Variants in ITGB4 observed in about 807,000 individuals in gnomAD.
The protein encoded by ITGB4 is integrin beta-4.
In ITGB4, 159 loss-of-function variants were observed where a neutral mutation model predicts 207.6. That is an observed-to-expected ratio of 0.77 (90% CI 0.67 to 0.87). ITGB4 has a LOEUF of 0.87. Among genes scored for constraint, ITGB4 ranks in the 40% least tolerant of loss-of-function variants. The pLI, the probability that ITGB4 is intolerant of heterozygous loss-of-function variation, is 0.00. For missense variants in ITGB4, 2,278 were observed against 2,546.8 expected (o/e 0.89, Z 2.27); for synonymous variants, 1,020 against 1,062.7 (o/e 0.96, Z 0.78).
At position 75,740,896 on chromosome 17, in the gene ITGB4, C is replaced by A. The variant is rs369454783; in HGVS notation, c.2609+45C>A. 6.2e-7 allele frequency: 1 copy of A among 1,612,468 alleles called. No individual in the cohort carries two copies. ...GGTTGGGTGGGGGAGCCGCTCCTAC[C>A]GGGACTCCAGGAGCCGAAGCCCCCA... On this transcript the variant is annotated intron_variant, in intron 22 of 39. Coordinates refer to ENST00000200181, the MANE Select transcript of ITGB4 (RefSeq NM_000213.5). This position sits in a 1 kb window ranked among gnomAD's most constrained non-coding sequence, Gnocchi z 5.9.
In ITGB4 at chr17:75,750,399, A is replaced by G. The variant is rs1345090605; in HGVS notation, c.3474+131A>G. ...ACAGTGGAACCTAGCACAGGTGGTC[A>G]GAGGGAAACCCGGTCTGTGCTGGGA... On this transcript the variant is annotated intron_variant, in intron 28 of 39. Transcript: ENST00000200181. The surrounding 1 kb of genome is among the most constrained non-coding windows in gnomAD (Gnocchi z 5.5). 1.0e-6 allele frequency: 1 copy of G among 972,932 alleles called. No homozygotes were observed. 60.3% of individuals were successfully genotyped at this position (972,932 alleles called of 1,614,324 possible).
rs556731806 is a variant in ITGB4, at chr17:75,745,768, A to G, written c.3111+1907A>G. 3.3e-5 allele frequency among the ~76,000 whole-genome samples: 5 copies of G among 152,142 alleles called. No homozygotes were observed. The East Asian group carries it at 9.7e-4, about 29-fold the overall frequency. ...GTGACACGTGCCTCTAATCCCAGCT[A>G]CCCGGGAGGCCGAGGCAGGAGAATT... On this transcript the variant is annotated intron_variant, in intron 26 of 39. Coordinates refer to ENST00000200181, the MANE Select transcript of ITGB4 (RefSeq NM_000213.5).
intron 2 of ITGB4, among the ~76,000 whole-genome samples, chr17:75,725,054 G>A (rs981663075): frequency 6.6e-6 from 1 of 152,216 alleles, no homozygotes; most frequent in East Asian, 1.9e-4. Context: ...GCACCCAGAG[G>A]ATGCACTGAG....
Position 75,740,047 on chromosome 17 carries a change from G to A in ITGB4, c.2422G>A (p.Ala808Thr), listed in dbSNP as rs147480547. 1.1e-3 allele frequency: 1,708 copies of A among 1,612,606 alleles called. 7 individuals carry two copies. The highest frequency in any genetic ancestry group is 5.3e-3 in the Middle Eastern group (32 of 6,024). The change falls in exon 20 of 40, where the codon GCC becomes ACC. Residue 808 changes from alanine to threonine, a missense_variant. Transcript: ENST00000200181. This position sits in a 1 kb window ranked among gnomAD's most constrained non-coding sequence, Gnocchi z 5.9. The part of the protein sequence containing the change: ...MQRPGFATHA[A>T]SINPTELVPY... ...GCGGCCTGGCTTTGCCACTCATGCC[G>A]CCAGCATCAACCCCACAGAGCTGGG...
intron 32 of ITGB4, 48 bp downstream of exon 32, chr17:75,752,625 A>T: frequency 6.2e-7 from 1 of 1,610,204 alleles, no homozygotes; most frequent in Non-Finnish European, 8.5e-7. Flanking sequence ...GGTCTTGGGT[A>T]CAGAGTGAGT....
At chr17:75,745,290 G>A (rs900858140) in intron 26 of ITGB4, among the ~76,000 whole-genome samples, 1 of 152,076 alleles carries the variant, frequency 6.6e-6, no homozygotes, top group Non-Finnish European at 1.5e-5. Context: ...CTACTTGGAA[G>A]GCTGAGGCAG....
At chr17:75,736,721 T>A (rs1468783335) in intron 16 of ITGB4, 27 bp downstream of exon 16, 12 of 1,583,288 alleles carry the variant, frequency 7.6e-6, no homozygotes, top group Non-Finnish European at 1.0e-5. Flanking sequence ...AGGGTTGGGG[T>A]TGCTGAGAGC....
intron 27 of ITGB4, among the ~76,000 whole-genome samples, chr17:75,749,336 T>C (rs1397993036): frequency 6.6e-6 from 1 of 152,056 alleles, no homozygotes; most frequent in Non-Finnish European, 1.5e-5. Context: ...TAGACCAGCC[T>C]GGGCAACATA....
In ITGB4 at chr17:75,728,452, A is replaced by C; in HGVS notation, c.545A>C (p.Gln182Pro). The C allele has an allele frequency of 1.2e-6, 2 of 1,614,080 alleles. No homozygotes were observed. The highest frequency in any genetic ancestry group is 1.7e-6 in the Non-Finnish European group (2 of 1,179,942). Residue 182 changes from glutamine (Q) to proline (P), a missense_variant, in exon 6 of 40, where the codon CAG becomes CCG. Coordinates refer to ENST00000200181, the MANE Select transcript of ITGB4 (RefSeq NM_000213.5). ...TTTGTGGACAAAGTCAGCGTCCCGC[A>C]GACGGACATGAGGCCTGAGAAGTAA... is the stretch of plus-strand genomic sequence containing the variant. ...GKFVDKVSVP[Q>P]TDMRPEKLKE... is the part of the protein sequence containing the mutation.
rs377003186 is a variant in ITGB4 at position 75,736,355 on chromosome 17, C to A, written c.1829C>A (p.Thr610Lys). ...CACTGCCACCAGCAGTCGCTCTACA[C>A]GGACACCATCTGCGAGATCAACTAC... is the stretch of plus-strand genomic sequence containing the variant. The part of the protein sequence containing the change: ...RCHCHQQSLY[T>K]DTICEINYSA... Residue 610 changes from threonine to lysine, a missense_variant, in exon 15 of 40, where the codon ACG becomes AAG. Thr to Lys is a moderately conservative substitution (Grantham distance 78, BLOSUM62 -1). Transcript: ENST00000200181. 3.1e-6 allele frequency: 5 copies of A among 1,614,030 alleles called. No homozygotes were observed. Among genetic ancestry groups the A allele is most frequent in the Non-Finnish European group, 4.2e-6 (5 of 1,180,030 alleles).
Position 75,733,504 on chromosome 17 carries a change from G to A in ITGB4, c.1469G>A (p.Cys490Tyr). ...VCSEGWSGQT[C>Y]NCSTGSLSDI... is the part of the protein sequence containing the mutation. ...TCCTCCTTCAGGAGTGGCCAGACCT[G>A]CAACTGCTCCACCGGCTCTCTGAGT... Residue 490 changes from cysteine to tyrosine, a missense_variant, in exon 13 of 40, where the codon TGC becomes TAC. Physicochemically the swap from Cys to Tyr is radical, Grantham distance 194. Coordinates refer to ENST00000200181, the MANE Select transcript of ITGB4 (RefSeq NM_000213.5). 1 of 1,613,262 alleles carries A rather than the reference G, an allele frequency of 6.2e-7. No homozygotes were observed. The highest frequency in any genetic ancestry group is 8.5e-7 in the Non-Finnish European group (1 of 1,180,036).
rs777694178 is a variant in ITGB4 at position 75,740,103 on chromosome 17, G to A, written c.2446+32G>A. Reference sequence around the variant, plus strand: ...GCGGGGCTGGGCGCCACAGCTCTGGGCAGTGCCCTTCGGGCCCTCTGTTCC... The same window carrying A: ...GCGGGGCTGGGCGCCACAGCTCTGGACAGTGCCCTTCGGGCCCTCTGTTCC... On this transcript the variant is annotated intron_variant, in intron 20 of 39. Transcript: ENST00000200181. The surrounding 1 kb of genome is among the most constrained non-coding windows in gnomAD (Gnocchi z 5.9). 96 of 1,592,416 alleles carry A rather than the reference G, an allele frequency of 6.0e-5. No homozygotes were observed. The highest frequency in any genetic ancestry group is 7.9e-5 in the Non-Finnish European group (92 of 1,169,086).
rs8065184 is a variant in ITGB4 at position 75,736,396 on chromosome 17, A to C, written c.1860+10A>C. The C allele has an allele frequency of 1.2e-6, 2 of 1,613,738 alleles. No individual in the cohort carries two copies. Among genetic ancestry groups the C allele is most frequent in the Non-Finnish European group, 1.7e-6 (2 of 1,179,646 alleles). On this transcript the variant is annotated intron_variant, in intron 15 of 39. Transcript: ENST00000200181. ...GATCAACTACTCGGCGGTGAGGCTA[A>C]GACCTACGAGGTGTGGGCGTGGGAA...
intron 16 of ITGB4, 75 bp from the exon 17 acceptor site, chr17:75,737,247 C>T: frequency 6.5e-7 from 1 of 1,540,236 alleles, no homozygotes; most frequent in African/African-American, 1.4e-5. Flanking sequence ...GAGTAGGGGC[C>T]CCCTCACCAG....
rs1398068301 is a variant in ITGB4, at chr17:75,752,472, G to A, written c.4003G>A (p.Val1335Met). 3 of 1,613,470 alleles carry A rather than the reference G, an allele frequency of 1.9e-6. No individual in the cohort carries two copies. Among genetic ancestry groups the A allele is most frequent in the East Asian group, 2.2e-5 (1 of 44,872 alleles). ...SIPIIPDIPIVDAQSGEDYDS... is the reference protein window; with the variant it reads ...SIPIIPDIPIMDAQSGEDYDS... ...CCCCATCATCCCTGACATCCCTATC[G>A]TGGACGCCCAGAGCGGGGAGGACTA... Residue 1335 changes from valine (V) to methionine (M), a missense_variant, in exon 32 of 40, where the codon GTG becomes ATG. Coordinates refer to ENST00000200181, the MANE Select transcript of ITGB4 (RefSeq NM_000213.5).
chr17:75,741,986 C>T (rs986970261), intron 23 of ITGB4, among the ~76,000 whole-genome samples: 1 of 152,208 alleles, frequency 6.6e-6, no homozygotes, highest in Non-Finnish European at 1.5e-5. Context: ...GGTTAAGTGA[C>T]TTGCCCAAGG....
At chr17:75,728,003 G>T in intron 5 of ITGB4, 148 bp downstream of exon 5, 1 of 756,642 alleles carries the variant, frequency 1.3e-6, no homozygotes, top group Non-Finnish European at 2.2e-6. Flanking sequence ...CCATTCTCAA[G>T]GGAAGAATCT....
At chr17:75,749,210 T>C (rs1018829404) in intron 27 of ITGB4, among the ~76,000 whole-genome samples, 165 bp downstream of exon 27, 1 of 152,204 alleles carries the variant, frequency 6.6e-6, no homozygotes, top group African/African-American at 2.4e-5. Context: ...TCCCATGCAA[T>C]ATTTGGAACA....
At position 75,730,476 on chromosome 17, in the gene ITGB4, T is replaced by A. The variant is rs1304888529; in HGVS notation, c.974T>A (p.Val325Asp). 3 of 1,613,814 alleles carry A rather than the reference T, an allele frequency of 1.9e-6. No homozygotes were observed. The highest frequency in any genetic ancestry group is 2.5e-6 in the Non-Finnish European group (3 of 1,180,050). The change falls in exon 8 of 40, where the codon GTC becomes GAC. Residue 325 changes from valine to aspartate, a missense_variant. Transcript: ENST00000200181. The stretch of plus-strand genomic sequence containing the variant: ...CACAACATCATCCCCATCTTTGCTG[T>A]CACCAACTACTCCTATAGCTACTAC... The part of the protein sequence containing the change: ...AKHNIIPIFA[V>D]TNYSYSYYEK...
Sources: gnomAD v4.1 joint callset for allele counts (sites outside exome capture counted in the v4.1 genomes callset) on GRCh38, gnomAD v4.1.1 for gene constraint, Gnocchi (gnomAD v3.1) non-coding constraint, MANE v1.5 for transcripts, NCBI Gene and HGNC (gene_info 2026-07-23, HGNC 2026-07-21) for gene names.